PRKG1: variants seen among roughly 807,000 people sequenced by gnomAD.
The protein encoded by PRKG1 is protein kinase cGMP-dependent 1, also known as cGMP-dependent protein kinase 1.
In PRKG1, 35 loss-of-function variants were observed where a neutral mutation model predicts 88.1. The ratio of observed to expected loss-of-function variants is 0.40; its 90% CI spans 0.30 to 0.53. The LOEUF (loss-of-function observed/expected upper bound fraction) is 0.53, where lower values mean the gene tolerates loss of function less well. PRKG1 is among the 20% of genes least tolerant of loss of function. The pLI is 0.59. For synonymous variants in PRKG1, 303 were observed against 292.5 expected, an observed-to-expected ratio of 1.04 and a Z score of -0.37; for missense variants, 540 against 839.8, an observed-to-expected ratio of 0.64 and a Z score of 4.41.
intron 5 of PRKG1, among the ~76,000 whole-genome samples, chr10:51,932,735 G>A (rs1414581628): frequency 6.6e-6 from 1 of 152,232 alleles, no homozygotes; most frequent in East Asian, 1.9e-4. Context: ...ATTGAGTCTT[G>A]TGAAACCTTT....
chr10:51,952,828 T>G (rs183789439), intron 5 of PRKG1, among the ~76,000 whole-genome samples: 10 of 152,290 alleles, frequency 6.6e-5, no homozygotes, highest in African/African-American at 2.4e-4. Flanking sequence ...ATTATGTATC[T>G]CAAAGTCATT....
At chr10:51,750,890 C>CAA (rs5784886) in intron 3 of PRKG1, among the ~76,000 whole-genome samples, 20 of 148,924 alleles carry the variant, frequency 1.3e-4, no homozygotes, top group African/African-American at 3.2e-4. Flanking sequence ...ATTTCATAAG[C>CAA]AAAAAAAAAA....
rs138725303 is a variant in PRKG1, at chr10:52,296,344, T to G, written c.*2444T>G. The G allele has an allele frequency of 2.0e-3, 312 of 152,198 alleles. No individual in the cohort carries two copies. Among genetic ancestry groups the G allele is most frequent in the African/African-American group, 7.1e-3 (296 of 41,562 alleles). The allele number at this position is 152,198 out of a possible 1,614,324, so 9.4% of individuals were successfully genotyped here. On this transcript the variant is annotated 3_prime_UTR_variant, in exon 18 of 18. Transcript: ENST00000373980. ...GTAGATTGTTTCTCCCACTTGTTAC[T>G]GCATCTTTGTTCATTTCACCCATAG...
intron 4 of PRKG1, among the ~76,000 whole-genome samples, chr10:51,836,114 A>T (rs1257984661): frequency 1.3e-5 from 2 of 152,172 alleles, no homozygotes; most frequent in African/African-American, 4.8e-5. Context: ...CTCACACTAC[A>T]ATATTTCAAA....
intron 1 of PRKG1, among the ~76,000 whole-genome samples, chr10:51,107,757 G>T (rs569431972): frequency 7.1e-6 from 1 of 141,734 alleles, no homozygotes; most frequent in African/African-American, 2.7e-5. Context: ...CTGGGAAGTC[G>T]CAGTTTCAGT....
intron 3 of PRKG1, among the ~76,000 whole-genome samples, chr10:51,616,104 A>C: frequency 6.6e-6 from 1 of 152,174 alleles, no homozygotes; most frequent in East Asian, 1.9e-4. Flanking sequence ...TTATTTCCTC[A>C]GTGACTTACG....
chr10:51,082,647 T>A (rs866130579), intron 1 of PRKG1, among the ~76,000 whole-genome samples: 2 of 152,090 alleles, frequency 1.3e-5, no homozygotes, highest in African/African-American at 4.8e-5. Context: ...CAGGATAAAG[T>A]GTTCATCTAA....
intron 10 of PRKG1, among the ~76,000 whole-genome samples, chr10:52,254,524 A>G (rs1005345733): frequency 7.9e-5 from 12 of 152,022 alleles, no homozygotes; most frequent in African/African-American, 2.9e-4. Context: ...AGATTATAAA[A>G]TTATAAACCC....
At position 51,586,910 on chromosome 10, in the gene PRKG1, A is replaced by G. The variant is rs563627849; in HGVS notation, c.592+119074A>G. Reference sequence around the variant, plus strand: ...ATGTATTCCTGTCTTCCTGACTTGTATTATTATTCATGTCTCAAGATAGAC... The same window carrying G: ...ATGTATTCCTGTCTTCCTGACTTGTGTTATTATTCATGTCTCAAGATAGAC... On this transcript the variant is annotated intron_variant, in intron 3 of 17. Transcript: ENST00000373980. 2.0e-5 allele frequency among the ~76,000 whole-genome samples: 3 copies of G among 152,112 alleles called. No homozygotes were observed. The South Asian group carries it at 6.2e-4, about 31-fold the overall frequency.
At chr10:51,982,856 C>A (rs765425203) in intron 5 of PRKG1, among the ~76,000 whole-genome samples, 7 of 152,212 alleles carry the variant, frequency 4.6e-5, no homozygotes, top group Non-Finnish European at 1.0e-4. Context: ...CAGCAGGGTG[C>A]TAGCAGGTGC....
chr10:51,947,384 G>A (rs1432937338), intron 5 of PRKG1, among the ~76,000 whole-genome samples: 4 of 152,134 alleles, frequency 2.6e-5, no homozygotes, highest in Admixed American at 2.6e-4. Context: ...TCTTTGACTA[G>A]GAAAGGGAAC....
At chr10:51,384,953 G>A (rs528020063) in intron 2 of PRKG1, among the ~76,000 whole-genome samples, 36 of 152,266 alleles carry the variant, frequency 2.4e-4, no homozygotes, top group African/African-American at 8.2e-4. Context: ...ACAAAACAAA[G>A]CAAACAAATG....
chr10:51,289,282 C>G (rs567095926), intron 2 of PRKG1, among the ~76,000 whole-genome samples: 4 of 152,214 alleles, frequency 2.6e-5, no homozygotes, highest in African/African-American at 9.6e-5. Flanking sequence ...CTGGGCACCA[C>G]TGTCTGTTAC....
upstream of PRKG1, among the ~76,000 whole-genome samples, chr10:51,072,760 T>C (rs1272492652): frequency 6.6e-6 from 1 of 152,168 alleles, no homozygotes; most frequent in Admixed American, 6.5e-5. Context: ...TATTTTGTCA[T>C]TTAGTCCTCT....
intron 1 of PRKG1, among the ~76,000 whole-genome samples, chr10:51,100,182 T>A (rs1844644132): frequency 6.6e-6 from 1 of 152,142 alleles, no homozygotes; most frequent in Non-Finnish European, 1.5e-5. Context: ...AAATGAGCCA[T>A]CATACCTGGT....
chr10:51,978,436 CTTTT>C (rs34946662), intron 5 of PRKG1, among the ~76,000 whole-genome samples: 36 of 134,300 alleles, frequency 2.7e-4, no homozygotes, highest in Middle Eastern at 3.9e-3. Context: ...CATTCGGGCT[CTTTT>C]TTTTTTTTTT....
intron 1 of PRKG1, among the ~76,000 whole-genome samples, chr10:51,086,750 T>C (rs1218394928): frequency 6.6e-6 from 1 of 152,146 alleles, no homozygotes; most frequent in Non-Finnish European, 1.5e-5. Flanking sequence ...GCAAAAACAC[T>C]GATCATCAAA....
intron 3 of PRKG1, among the ~76,000 whole-genome samples, chr10:51,565,028 G>A (rs1010876976): frequency 5.9e-5 from 9 of 151,972 alleles, no homozygotes; most frequent in African/African-American, 2.2e-4. Context: ...ACACACAAAA[G>A]GTCATTTGTC....
At chr10:51,478,426 T>G (rs1327448834) in intron 3 of PRKG1, among the ~76,000 whole-genome samples, 1 of 152,058 alleles carries the variant, frequency 6.6e-6, no homozygotes, top group Non-Finnish European at 1.5e-5. Flanking sequence ...TTTATAAGAA[T>G]GCAAAAACTG....
Sources: allele counts gnomAD v4.1 joint callset (sites outside exome capture counted in the v4.1 genomes callset), GRCh38; gene constraint gnomAD v4.1.1; transcripts MANE v1.5; gene names NCBI Gene and HGNC (gene_info 2026-07-23, HGNC 2026-07-21).